Variants in FBXL17 observed in about 807,000 individuals in gnomAD.
FBXL17 encodes the protein F-box/LRR-repeat protein 17.
Under a neutral mutation model 66.2 loss-of-function variants are expected in FBXL17, and 22 were observed. The observed-to-expected ratio is 0.33, with a 90% CI of 0.24 to 0.47. FBXL17 has a LOEUF of 0.47. Ranked by LOEUF, FBXL17 falls within the 20% of genes least tolerant of loss-of-function variation. FBXL17 has a pLI of 1.00. For missense variants in FBXL17, 878 were observed against 948.2 expected (o/e 0.93, Z 0.97); for synonymous variants, 474 against 400.5 (o/e 1.18, Z -2.19).
chr5:107,945,550 C>A (rs749847977), intron 7 of FBXL17, among the ~76,000 whole-genome samples: 2 of 151,936 alleles, frequency 1.3e-5, no homozygotes, highest in African/African-American at 4.8e-5. Context: ...ATAATTAGGA[C>A]CACATATAAC....
intron 4 of FBXL17, among the ~76,000 whole-genome samples, chr5:108,335,685 G>A (rs903617773): frequency 3.9e-5 from 6 of 152,062 alleles, no homozygotes; most frequent in African/African-American, 1.4e-4. Context: ...AAGATCAGAT[G>A]TGAAATTCCT....
At chr5:107,897,836 G>C (rs1387852384) in intron 7 of FBXL17, among the ~76,000 whole-genome samples, 1 of 151,512 alleles carries the variant, frequency 6.6e-6, no homozygotes, top group East Asian at 1.9e-4. Flanking sequence ...AAACTGTCCA[G>C]ATGTGCATGA....
At chr5:108,009,065 A>G (rs1754044304) in intron 7 of FBXL17, among the ~76,000 whole-genome samples, 1 of 150,686 alleles carries the variant, frequency 6.6e-6, no homozygotes, top group South Asian at 2.1e-4. Flanking sequence ...AGTATCAATC[A>G]TCAAACAGTA....
At chr5:107,926,418 C>T (rs956148247) in intron 7 of FBXL17, among the ~76,000 whole-genome samples, 2 of 152,108 alleles carry the variant, frequency 1.3e-5, no homozygotes, top group African/African-American at 2.4e-5. Flanking sequence ...TTACTTGCAT[C>T]TTCATTTTCT....
chr5:108,139,386 T>C (rs889006614), intron 6 of FBXL17, among the ~76,000 whole-genome samples: 1 of 152,232 alleles, frequency 6.6e-6, no homozygotes, highest in African/African-American at 2.4e-5. Context: ...TCTTATACCA[T>C]CTTGGATTCA....
chr5:108,210,793 T>A (rs1212534018), intron 5 of FBXL17, among the ~76,000 whole-genome samples: 1 of 152,154 alleles, frequency 6.6e-6, no homozygotes, highest in East Asian at 1.9e-4. Context: ...TTCTGTTGAT[T>A]TGGGGTGGAG....
intron 5 of FBXL17, among the ~76,000 whole-genome samples, chr5:108,222,823 C>T (rs531784756): frequency 6.6e-6 from 1 of 151,688 alleles, no homozygotes; most frequent in Non-Finnish European, 1.5e-5. Context: ...ACAGCCACCA[C>T]ACCACCATGC....
At chr5:108,212,136 T>G (rs1410008735) in intron 5 of FBXL17, among the ~76,000 whole-genome samples, 1 of 152,182 alleles carries the variant, frequency 6.6e-6, no homozygotes, top group Non-Finnish European at 1.5e-5. Context: ...AACTTGCGTA[T>G]GCTTCATGAA....
chr5:108,305,744 C>T (rs1472553282), intron 4 of FBXL17, among the ~76,000 whole-genome samples: 2 of 152,214 alleles, frequency 1.3e-5, no homozygotes, highest in East Asian at 1.9e-4. Flanking sequence ...AACTGCTCAA[C>T]AATCTCAGCA....
chr5:108,381,369 G>A lies in FBXL17; in HGVS notation c.323C>T (p.Ala108Val). The A allele has an allele frequency of 7.5e-7, 1 of 1,334,826 alleles. No homozygotes were observed. Among genetic ancestry groups the A allele is most frequent in the Non-Finnish European group, 9.5e-7 (1 of 1,051,752 alleles). 82.7% of individuals were successfully genotyped at this position (1,334,826 alleles called of 1,614,324 possible). ...QHLARRYAAL[A>V]AEDCAAAARR... ...GGCAGCAGCGGCGCAGTCCTCGGCG[G>A]CCAGGGCCGCGTAGCGCCGCGCCAG... The change falls in exon 1 of 9, where the codon GCC becomes GTC. Residue 108 changes from alanine (A) to valine (V), a missense_variant. Ala to Val is a moderately conservative substitution (Grantham distance 64). Coordinates refer to ENST00000542267, the MANE Select transcript of FBXL17 (RefSeq NM_001163315.3).
At chr5:108,268,621 T>G (rs1444719412) in intron 4 of FBXL17, among the ~76,000 whole-genome samples, 1 of 148,708 alleles carries the variant, frequency 6.7e-6, no homozygotes, top group African/African-American at 2.6e-5. Context: ...AAGGTAGAAT[T>G]CAAACTGAAA....
At chr5:107,944,654 T>C (rs1419251971) in intron 7 of FBXL17, among the ~76,000 whole-genome samples, 1 of 152,208 alleles carries the variant, frequency 6.6e-6, no homozygotes, top group African/African-American at 2.4e-5. Flanking sequence ...AAATAGATAA[T>C]TTTGTTAACC....
intron 6 of FBXL17, among the ~76,000 whole-genome samples, chr5:108,070,644 T>C (rs1748292949): frequency 6.6e-6 from 1 of 152,184 alleles, no homozygotes; most frequent in Admixed American, 6.5e-5. Context: ...GATCTCAGCA[T>C]TTCTGAAAAC....
chr5:107,929,116 G>A (rs532891024), intron 7 of FBXL17, among the ~76,000 whole-genome samples: 1 of 152,264 alleles, frequency 6.6e-6, no homozygotes, highest in South Asian at 2.1e-4. Context: ...TGCCATATTG[G>A]TGGTGAAAAG....
intron 4 of FBXL17, among the ~76,000 whole-genome samples, chr5:108,230,938 T>C (rs912156099): frequency 7.9e-6 from 1 of 125,946 alleles, no homozygotes; most frequent in South Asian, 2.6e-4. Flanking sequence ...CAATAAGTTA[T>C]GGAAATTTTT....
intron 1 of FBXL17, among the ~76,000 whole-genome samples, chr5:108,376,718 T>A (rs1054463641): frequency 3.3e-5 from 5 of 152,154 alleles, no homozygotes; most frequent in African/African-American, 9.7e-5. Flanking sequence ...CATTTTTCTG[T>A]CTCTTTACGT....
At chr5:107,975,580 T>A (rs1752545392) in intron 7 of FBXL17, among the ~76,000 whole-genome samples, 1 of 152,178 alleles carries the variant, frequency 6.6e-6, no homozygotes, top group East Asian at 1.9e-4. Context: ...TTTGGCACAC[T>A]CTATTATATT....
chr5:107,887,828 T>G (rs1316363686), intron 7 of FBXL17, among the ~76,000 whole-genome samples: 1 of 152,138 alleles, frequency 6.6e-6, no homozygotes, highest in Non-Finnish European at 1.5e-5. Flanking sequence ...GCTATAAAAG[T>G]TTCTGTGATC....
At chr5:108,054,400 G>A (rs1747604374) in intron 6 of FBXL17, among the ~76,000 whole-genome samples, 1 of 152,064 alleles carries the variant, frequency 6.6e-6, no homozygotes. Flanking sequence ...TTACTGCTGG[G>A]CAGTGGTGGA....
Sources: gnomAD v4.1 joint callset for allele counts (sites outside exome capture counted in the v4.1 genomes callset) on GRCh38, gnomAD v4.1.1 for gene constraint, MANE v1.5 for transcripts, NCBI Gene and HGNC (gene_info 2026-07-23, HGNC 2026-07-21) for gene names.